Variants in GRIN3A observed in about 807,000 individuals in gnomAD.
GRIN3A encodes the protein glutamate receptor ionotropic, NMDA 3A.
A neutral mutation model predicts 92.4 loss-of-function variants in GRIN3A; 47 were observed. The observed-to-expected ratio is 0.51, with a 90% CI of 0.40 to 0.65. GRIN3A has a LOEUF of 0.65. GRIN3A is among the 30% of genes least tolerant of loss of function. The pLI is 0.00. For missense variants in GRIN3A, 1,324 were observed against 1,393.1 expected (o/e 0.95, Z 0.79); for synonymous variants, 527 against 540.6 (o/e 0.97, Z 0.35).
At position 101,621,889 on chromosome 9, in the gene GRIN3A, A is replaced by G. The variant is rs544737177; in HGVS notation, c.2614+1429T>C. On this transcript the variant is annotated intron_variant, in intron 5 of 8. Coordinates refer to ENST00000361820, the MANE Select transcript of GRIN3A (RefSeq NM_133445.3). ...CCCAGTGCATCTAGGACAGAAATAA[A>G]ATGTAACATCCCCAGATGCCACAAA... 3.3e-5 allele frequency among the ~76,000 whole-genome samples: 5 copies of G among 152,344 alleles called. No individual in the cohort carries two copies. The East Asian group carries it at 9.6e-4, about 29-fold the overall frequency.
chr9:101,606,720 A>G (rs891207189), intron 6 of GRIN3A, among the ~76,000 whole-genome samples: 2 of 152,012 alleles, frequency 1.3e-5, no homozygotes, highest in Non-Finnish European at 2.9e-5. Context: ...TATTCAAACT[A>G]TCATTTAAAG....
At chr9:101,631,626 CTT>C (rs942822065) in intron 3 of GRIN3A, among the ~76,000 whole-genome samples, 1 of 152,114 alleles carries the variant, frequency 6.6e-6, no homozygotes, top group African/African-American at 2.4e-5. Flanking sequence ...AGGACTGTCT[CTT>C]TGTGTTTTTC....
intron 3 of GRIN3A, among the ~76,000 whole-genome samples, chr9:101,666,811 A>G (rs561015266): frequency 6.6e-6 from 1 of 152,146 alleles, no homozygotes; most frequent in African/African-American, 2.4e-5. Context: ...TTAATTGCCA[A>G]GTCCTGCTGA....
At chr9:101,673,450 G>A (rs1359571496) in intron 2 of GRIN3A, among the ~76,000 whole-genome samples, 1 of 151,988 alleles carries the variant, frequency 6.6e-6, no homozygotes, top group African/African-American at 2.4e-5. Context: ...TTCACTACTG[G>A]CTCCAAAAAA....
chr9:101,598,044 A>G (rs1395689286), intron 6 of GRIN3A, among the ~76,000 whole-genome samples: 4 of 152,238 alleles, frequency 2.6e-5, no homozygotes, highest in Non-Finnish European at 5.9e-5. Context: ...GATAAAGTAG[A>G]TGAATCTTGG....
intron 6 of GRIN3A, among the ~76,000 whole-genome samples, chr9:101,596,578 G>A (rs1828136519): frequency 6.6e-6 from 1 of 152,160 alleles, no homozygotes; most frequent in Non-Finnish European, 1.5e-5. Flanking sequence ...TCCAGGCCCT[G>A]CAGGTGCAGT....
chr9:101,626,018 C>T (rs191770376), intron 4 of GRIN3A, among the ~76,000 whole-genome samples: 1 of 152,100 alleles, frequency 6.6e-6, no homozygotes, highest in African/African-American at 2.4e-5. Context: ...ATTTCAGTTA[C>T]GTGAAAAGGC....
At chr9:101,648,118 C>A (rs1828963873) in intron 3 of GRIN3A, among the ~76,000 whole-genome samples, 2 of 152,016 alleles carry the variant, frequency 1.3e-5, no homozygotes, top group Middle Eastern at 3.4e-3. Flanking sequence ...ACTTTCCTCT[C>A]AGAACTGCTT....
intron 2 of GRIN3A, among the ~76,000 whole-genome samples, chr9:101,682,981 C>G (rs1371252337): frequency 1.3e-5 from 2 of 152,166 alleles, no homozygotes; most frequent in East Asian, 3.9e-4. Flanking sequence ...GACTCCGTCT[C>G]AAAAACAAAA....
rs1156251052 is a variant in GRIN3A at position 101,737,808 on chromosome 9, A to T, written c.172T>A (p.Trp58Arg). Residue 58 changes from tryptophan to arginine, a missense_variant, in exon 1 of 9, where the codon TGG (tryptophan) becomes AGG (arginine). Physicochemically the swap from Trp to Arg is moderately radical, Grantham distance 101. Coordinates refer to ENST00000361820, the MANE Select transcript of GRIN3A (RefSeq NM_133445.3). ...VRVGAVHLQP[W>R]TTAPRAASRA... ...CTGGCCGCGCGGGGGGCGGTGGTCC[A>T]GGGCTGCAAGTGCACCGCGCCCACC... The T allele has an allele frequency of 6.5e-7, 1 of 1,531,606 alleles. No individual in the cohort carries two copies. The highest frequency in any genetic ancestry group is 2.0e-5 in the Admixed American group (1 of 50,844). 94.9% of individuals were successfully genotyped at this position (1,531,606 alleles called of 1,614,324 possible).
intron 6 of GRIN3A, among the ~76,000 whole-genome samples, chr9:101,602,607 G>T (rs17189604): frequency 6.6e-6 from 1 of 152,110 alleles, no homozygotes; most frequent in South Asian, 2.1e-4. Context: ...TGAGTTTGCC[G>T]AATTTAACCA....
At chr9:101,639,645 C>T (rs796120825) in intron 3 of GRIN3A, among the ~76,000 whole-genome samples, 1 of 152,306 alleles carries the variant, frequency 6.6e-6, no homozygotes, top group East Asian at 1.9e-4. Flanking sequence ...TTTGGCACAG[C>T]TACTCAAATC....
chr9:101,625,000 G>T (rs1828612153), intron 4 of GRIN3A, among the ~76,000 whole-genome samples: 1 of 152,112 alleles, frequency 6.6e-6, no homozygotes, highest in African/African-American at 2.4e-5. Context: ...GCAGGATGCT[G>T]TGACCAAAAA....
At chr9:101,677,119 C>G (rs1314159732) in intron 2 of GRIN3A, among the ~76,000 whole-genome samples, 1 of 151,818 alleles carries the variant, frequency 6.6e-6, no homozygotes, top group East Asian at 1.9e-4. Flanking sequence ...TGATATTTCA[C>G]AATGTCCATA....
chr9:101,679,900 A>C (rs1797016298), intron 2 of GRIN3A, among the ~76,000 whole-genome samples: 1 of 152,242 alleles, frequency 6.6e-6, no homozygotes, highest in Non-Finnish European at 1.5e-5. Flanking sequence ...ATGCTTATAA[A>C]ATTTAAGAAC....
At chr9:101,687,537 T>C (rs1375087817) in intron 1 of GRIN3A, among the ~76,000 whole-genome samples, 2 of 152,210 alleles carry the variant, frequency 1.3e-5, no homozygotes, top group Non-Finnish European at 2.9e-5. Context: ...TCCCATTTCT[T>C]GGTATTGCTA....
chr9:101,676,256 T>C (rs1156716723), intron 2 of GRIN3A, among the ~76,000 whole-genome samples: 1 of 151,970 alleles, frequency 6.6e-6, no homozygotes, highest in East Asian at 1.9e-4. Flanking sequence ...TCAATTTGTC[T>C]CTTTGTATAT....
chr9:101,674,624 T>C (rs1366747132), intron 2 of GRIN3A, among the ~76,000 whole-genome samples: 3 of 152,046 alleles, frequency 2.0e-5, no homozygotes, highest in Non-Finnish European at 4.4e-5. Flanking sequence ...CATATAGCAA[T>C]GTGGGTATAA....
chr9:101,734,216 AAG>A (rs1436856041), intron 1 of GRIN3A, among the ~76,000 whole-genome samples: 3 of 152,216 alleles, frequency 2.0e-5, no homozygotes, highest in Admixed American at 6.5e-5. Context: ...AGGAGAGAGA[AAG>A]AAAGTATAAC....
Sources: allele counts gnomAD v4.1 joint callset (sites outside exome capture counted in the v4.1 genomes callset), GRCh38; gene constraint gnomAD v4.1.1; transcripts MANE v1.5; gene names NCBI Gene and HGNC (gene_info 2026-07-23, HGNC 2026-07-21).